CANX: variants seen among roughly 807,000 people sequenced by gnomAD.
CANX encodes the protein calnexin.
Under a neutral mutation model 75.7 loss-of-function variants are expected in CANX, and 14 were observed. The ratio of observed to expected loss-of-function variants is 0.19; its 90% CI spans 0.12 to 0.29. The LOEUF is 0.29. Ranked by LOEUF, CANX falls within the 10% of genes least tolerant of loss-of-function variation. The pLI, the probability that CANX is intolerant of heterozygous loss-of-function variation, is 1.00. For missense variants in CANX, 567 were observed against 713.2 expected (o/e 0.79, Z 2.34); for synonymous variants, 227 against 236.9 (o/e 0.96, Z 0.38).
At chr5:179,678,980 G>A (rs1384647293) in intron 1 of CANX, 4 of 1,535,842 alleles carry the variant, frequency 2.6e-6, no homozygotes, top group Non-Finnish European at 8.7e-7. Flanking sequence ...GGCCTGGCGC[G>A]TGTTGTGGTC....
At chr5:179,684,312 G>GTT (rs1776143179) in intron 1 of CANX, among the ~76,000 whole-genome samples, 4 of 151,878 alleles carry the variant, frequency 2.6e-5, no homozygotes, top group African/African-American at 9.7e-5. Context: ...CAGACTCCTG[G>GTT]GCTCAAGGGA....
chr5:179,724,287 T>C (rs534515148), intron 12 of CANX, among the ~76,000 whole-genome samples: 1 of 152,266 alleles, frequency 6.6e-6, no homozygotes, highest in Non-Finnish European at 1.5e-5. Flanking sequence ...TTTTGGACTC[T>C]ACTTCTGCTA....
intron 3 of CANX, among the ~76,000 whole-genome samples, chr5:179,706,551 C>T (rs527568623): frequency 6.6e-6 from 1 of 152,280 alleles, no homozygotes; most frequent in African/African-American, 2.4e-5. Flanking sequence ...TCAAGTGATT[C>T]TCCTGCCTCA....
chr5:179,691,878 C>T (rs903348826), intron 1 of CANX, among the ~76,000 whole-genome samples: 13 of 149,524 alleles, frequency 8.7e-5, no homozygotes, highest in Admixed American at 6.0e-4. Context: ...CCCGGGTTCA[C>T]GCCATTCTCC....
At chr5:179,679,916 C>T (rs1186504169) in intron 1 of CANX, among the ~76,000 whole-genome samples, 1 of 151,222 alleles carries the variant, frequency 6.6e-6, no homozygotes, top group Non-Finnish European at 1.5e-5. Flanking sequence ...AACTCGGCCT[C>T]CCAAAGTGCC....
intron 4 of CANX, 68 bp from the exon 5 acceptor site, chr5:179,708,171 T>A (rs1264511255): frequency 7.3e-7 from 1 of 1,369,806 alleles, no homozygotes; most frequent in Non-Finnish European, 1.0e-6. Flanking sequence ...AGGAGGTGTT[T>A]TTTTTGGCAT....
At position 179,728,741 on chromosome 5, in the gene CANX, A is replaced by C; in HGVS notation, c.*97A>C. ...TGGCACACCTTAGGTTGACATTCAG[A>C]AAACTTCAAGACATCACCATCAGCA... On this transcript the variant is annotated 3_prime_UTR_variant, in exon 15 of 15. Coordinates refer to ENST00000247461, the MANE Select transcript of CANX (RefSeq NM_001746.4). 1.2e-6 allele frequency: 1 copy of C among 831,430 alleles called. No individual in the cohort carries two copies. The highest frequency in any genetic ancestry group is 2.1e-6 in the Non-Finnish European group (1 of 480,468). The allele number at this position is 831,430 out of a possible 1,614,324, so 51.5% of individuals were successfully genotyped here.
At position 179,692,069 on chromosome 5, in the gene CANX, C is replaced by T. The variant is rs147444300; in HGVS notation, c.-4+13292C>T. Among the ~76,000 whole-genome samples the T allele has an allele frequency of 4.1e-3, 596 of 146,296 alleles. 6 individuals carry two copies. Among genetic ancestry groups the T allele is most frequent in the African/African-American group, 0.014 (550 of 39,666 alleles). On this transcript the variant is annotated intron_variant, in intron 1 of 14. Coordinates refer to the CANX transcript ENST00000681674. ...TGCTGGGATAACAGGCGTGAGCCAC[C>T]GTGCCCGGCCTATTTTTTTTTTTGA...
At position 179,730,900 on chromosome 5, in the gene CANX, T is replaced by C. The variant is rs937195317; in HGVS notation, c.*2256T>C. ...AATTTGTCATGTTACTAAATGGTGT[T>C]ACATTAAAGCCCTGTGTTAAGTGTC... On this transcript the variant is annotated 3_prime_UTR_variant, in exon 15 of 15. Transcript: ENST00000247461. 6.6e-6 allele frequency: 1 copy of C among 152,252 alleles called. No homozygotes were observed. The highest frequency in any genetic ancestry group is 2.4e-5 in the African/African-American group (1 of 41,468). The allele number at this position is 152,252 out of a possible 1,614,324, so 9.4% of individuals were successfully genotyped here. A position where few individuals can be genotyped will look rare whatever the true frequency, so the allele number is the denominator to read the frequency against.
At chr5:179,707,258 C>T (rs925838133) in intron 4 of CANX, 68 bp downstream of exon 4, 2 of 903,638 alleles carry the variant, frequency 2.2e-6, no homozygotes, top group Non-Finnish European at 3.7e-6. Flanking sequence ...CATGGCATTT[C>T]CTAAGACTAG....
chr5:179,701,879 A>T (rs1194563357), intron 1 of CANX, among the ~76,000 whole-genome samples: 1 of 149,374 alleles, frequency 6.7e-6, no homozygotes, highest in Non-Finnish European at 1.5e-5. Context: ...AGCTGGGACT[A>T]CAGGTGCCCA....
At chr5:179,717,168 T>C (rs956723663) in intron 8 of CANX, among the ~76,000 whole-genome samples, 2 of 152,300 alleles carry the variant, frequency 1.3e-5, no homozygotes, top group East Asian at 3.9e-4. Flanking sequence ...CTCCTATGCT[T>C]AGCAATTACA....
upstream of CANX, among the ~76,000 whole-genome samples, chr5:179,693,426 C>T (rs1776336650): frequency 8.9e-6 from 1 of 112,028 alleles, no homozygotes; most frequent in Non-Finnish European, 2.1e-5. Flanking sequence ...GTAATCCCAG[C>T]ACTTTGGGAG....
intron 14 of CANX, among the ~76,000 whole-genome samples, chr5:179,727,250 A>G (rs1024534724): frequency 6.6e-6 from 1 of 152,222 alleles, no homozygotes; most frequent in Non-Finnish European, 1.5e-5. Flanking sequence ...CTTAAATTCT[A>G]CTTGGGGGAA....
intron 5 of CANX, among the ~76,000 whole-genome samples, 158 bp downstream of exon 5, chr5:179,708,538 G>T (rs1439761372): frequency 6.6e-6 from 1 of 152,084 alleles, no homozygotes; most frequent in Non-Finnish European, 1.5e-5. Context: ...AGTTTTTCCT[G>T]GCTAATGCAT....
At chr5:179,680,139 A>T (rs952108932) in intron 1 of CANX, among the ~76,000 whole-genome samples, 1 of 151,950 alleles carries the variant, frequency 6.6e-6, no homozygotes. Flanking sequence ...TCAGATGTGA[A>T]CACGAGCTTG....
At chr5:179,695,999 A>G (rs1334333014), upstream of CANX, among the ~76,000 whole-genome samples, 1 of 151,944 alleles carries the variant, frequency 6.6e-6, no homozygotes, top group Non-Finnish European at 1.5e-5. Context: ...GGCTCACTGC[A>G]GCCTTGACCT....
rs747252071 is a variant in CANX, at chr5:179,720,508, C to T, written c.1130C>T (p.Pro377Leu). The change falls in exon 10 of 15, where the codon CCC becomes CTC. Residue 377 changes from proline to leucine, a missense_variant. Physicochemically the swap from Pro to Leu is moderately conservative, Grantham distance 98 (BLOSUM62 -3). Transcript: ENST00000247461. ...GVWQRPVIDN[P>L]NYKGKWKPPM... The stretch of plus-strand genomic sequence containing the variant: ...TGGCAGCGACCTGTGATTGACAACC[C>T]CAATTATAAAGGCAAATGGAAGCCT... 2 of 1,614,070 alleles carry T rather than the reference C, an allele frequency of 1.2e-6. No homozygotes were observed. The highest frequency in any genetic ancestry group is 3.3e-5 in the Admixed American group (2 of 60,020).
upstream of CANX, chr5:179,698,832 A>G: frequency 1.2e-6 from 1 of 821,606 alleles, no homozygotes; most frequent in Non-Finnish European, 1.6e-6. Flanking sequence ...GACGGTGCGT[A>G]GAGCGATGCC....
Sources: allele counts gnomAD v4.1 joint callset (sites outside exome capture counted in the v4.1 genomes callset), GRCh38; gene constraint gnomAD v4.1.1; transcripts MANE v1.5; gene names NCBI Gene and HGNC (gene_info 2026-07-23, HGNC 2026-07-21).